Variants in PTPRS observed in about 807,000 individuals in gnomAD.
The protein encoded by PTPRS is receptor-type tyrosine-protein phosphatase S.
PTPRS carries 63 observed loss-of-function variants against 215.3 expected under a neutral mutation model. That is an observed-to-expected ratio of 0.29 (90% CI 0.24 to 0.36). The LOEUF (loss-of-function observed/expected upper bound fraction) is 0.36. Among genes scored for constraint, PTPRS ranks in the 10% least tolerant of loss-of-function variants. The probability of loss-of-function intolerance (pLI) is 1.00; values close to 1 mark genes in which losing one functional copy is unlikely to be tolerated. For synonymous variants in PTPRS, 1,404 were observed against 1,191.4 expected (o/e 1.18, Z -3.68); for missense variants, 2,258 against 2,825.8 (o/e 0.80, Z 4.56).
chr19:5,290,457 C>G (rs764695477), intron 1 of PTPRS, among the ~76,000 whole-genome samples: 12 of 152,216 alleles, frequency 7.9e-5, no homozygotes, highest in Non-Finnish European at 1.8e-4. Context: ...TCATTCCAAC[C>G]AGGCGCCGGG....
chr19:5,272,513 GCTTGAAC>G (rs2146557732), intron 4 of PTPRS, among the ~76,000 whole-genome samples: 1 of 146,706 alleles, frequency 6.8e-6, no homozygotes, highest in East Asian at 2.0e-4. Context: ...CAGGAGAATC[GCTTGAAC>G]CTGGGAGGTG....
rs149022837 is a variant in PTPRS, at chr19:5,244,376, G to A, written c.1095C>T (p.Ile365=). 6.8e-6 allele frequency: 11 copies of A among 1,614,054 alleles called. No homozygotes were observed. The highest frequency in any genetic ancestry group is 4.5e-5 in the East Asian group (2 of 44,894). ...CGTCTTGGCTCTTGGATTTATATTCGATGACGTAATAGGACACAGGATCTG... is the reference window on the plus strand; with the variant it reads ...CGTCTTGGCTCTTGGATTTATATTCAATGACGTAATAGGACACAGGATCTG... ...GNPDPVSYYV[I]EYKSKSQDGP... is the part of the protein sequence containing the mutation. The change falls in exon 11 of 38, where the codon ATC becomes ATT. Residue 365 remains isoleucine, a synonymous_variant. Transcript: ENST00000262963. The surrounding 1 kb of genome is among the most constrained non-coding windows in gnomAD (Gnocchi z 7.2).
intron 2 of PTPRS, among the ~76,000 whole-genome samples, chr19:5,280,798 T>C (rs994485949): frequency 6.6e-6 from 1 of 151,282 alleles, no homozygotes; most frequent in African/African-American, 2.4e-5. Context: ...TTTTTTTTTT[T>C]GTTTGTTTTT....
At chr19:5,270,837 G>A (rs1390678724) in intron 4 of PTPRS, among the ~76,000 whole-genome samples, 1 of 152,114 alleles carries the variant, frequency 6.6e-6, no homozygotes, top group East Asian at 1.9e-4. Flanking sequence ...TAGATTTGGG[G>A]TTTCACCATG....
chr19:5,290,099 G>A (rs918772710), intron 1 of PTPRS, among the ~76,000 whole-genome samples: 1 of 152,268 alleles, frequency 6.6e-6, no homozygotes, highest in Non-Finnish European at 1.5e-5. Context: ...TAGGGAGAAG[G>A]AGAGGGAGTG....
intron 1 of PTPRS, among the ~76,000 whole-genome samples, chr19:5,320,578 T>G (rs980399877): frequency 6.6e-6 from 1 of 152,118 alleles, no homozygotes; most frequent in African/African-American, 2.4e-5. Flanking sequence ...CACGCCACCA[T>G]GCTGGGCTCT....
chr19:5,304,140 G>A lies in PTPRS; in HGVS notation c.-94-17906C>T, dbSNP rs1002984971. On this transcript the variant is annotated intron_variant, in intron 1 of 37. Transcript: ENST00000262963. ...TGAGCACTAAGGACACAAGATGACT[G>A]TGGGAGGCAGACAGGGGGCCCTGGA... Among the ~76,000 whole-genome samples the A allele has an allele frequency of 3.3e-5, 5 of 152,092 alleles. No individual in the cohort carries two copies. The South Asian group carries it at 1.0e-3, about 32-fold the overall frequency.
rs1445047664 is a variant in PTPRS at position 5,237,589 on chromosome 19, A to G, written c.1849+1330T>C. On this transcript the variant is annotated intron_variant, in intron 13 of 37. Coordinates refer to ENST00000262963, the MANE Select transcript of PTPRS (RefSeq NM_002850.4). This position sits in a 1 kb window ranked among gnomAD's most constrained non-coding sequence, Gnocchi z 4.2. ...GGTTTGGGAGAGTTTCTGGGGCCGA[A>G]TTCGGGCCGTGGACTGTCCGTTCAG... Among the ~76,000 whole-genome samples the G allele has an allele frequency of 6.6e-6, 1 of 152,124 alleles. No individual in the cohort carries two copies. The highest frequency in any genetic ancestry group is 1.5e-5 in the Non-Finnish European group (1 of 68,012).
Position 5,237,437 on chromosome 19 carries a change from G to A in PTPRS, c.1849+1482C>T, listed in dbSNP as rs935568963. On this transcript the variant is annotated intron_variant, in intron 13 of 37. Transcript: ENST00000262963. This position sits in a 1 kb window ranked among gnomAD's most constrained non-coding sequence, Gnocchi z 4.2. Reference sequence around the variant, plus strand: ...AGGTTCGCGTGGCTGGGCCGAAGCCGCTTTCTAGGTGACCGTGTAGGTCAC... The same window carrying A: ...AGGTTCGCGTGGCTGGGCCGAAGCCACTTTCTAGGTGACCGTGTAGGTCAC... Among the ~76,000 whole-genome samples, 4 of 152,344 alleles carry A rather than the reference G, an allele frequency of 2.6e-5. No homozygotes were observed. Among genetic ancestry groups the A allele is most frequent in the East Asian group, 1.9e-4 (1 of 5,186 alleles).
intron 28 of PTPRS, 70 bp downstream of exon 28, chr19:5,215,219 G>A: frequency 2.5e-6 from 4 of 1,585,270 alleles, no homozygotes; most frequent in Non-Finnish European, 2.6e-6. Flanking sequence ...TGGCCCAAGG[G>A]GAGACATGGG....
At chr19:5,206,941 G>T in intron 37 of PTPRS, 99 bp from the exon 38 acceptor site, 1 of 1,087,536 alleles carries the variant, frequency 9.2e-7, no homozygotes, top group Non-Finnish European at 1.4e-6. Context: ...TCAGCCTTGT[G>T]CGTGTCTCTT....
intron 1 of PTPRS, chr19:5,292,700 GGGATTCCTGCCAT>G (rs1188870566): frequency 1.3e-5 from 2 of 152,378 alleles, no homozygotes; most frequent in African/African-American, 4.8e-5. Context: ...GCTAAGAGCA[GGGATTCCTGCCAT>G]GCACCCCCCA....
rs994843397 is a variant in PTPRS at position 5,295,935 on chromosome 19, T to G, written c.-94-9701A>C. Among the ~76,000 whole-genome samples, 1 of 152,104 alleles carries G rather than the reference T, an allele frequency of 6.6e-6. No homozygotes were observed. The highest frequency in any genetic ancestry group is 1.5e-5 in the Non-Finnish European group (1 of 68,012). Reference sequence around the variant, plus strand: ...ACGTCTGGCTAATTTTTGGATTTTTTTGTAGACATGGGATCTCCCCATGTT... The same window carrying G: ...ACGTCTGGCTAATTTTTGGATTTTTGTGTAGACATGGGATCTCCCCATGTT... On this transcript the variant is annotated intron_variant, in intron 1 of 37. Coordinates refer to ENST00000262963, the MANE Select transcript of PTPRS (RefSeq NM_002850.4). This position sits in a 1 kb window ranked among gnomAD's most constrained non-coding sequence, Gnocchi z 4.6.
chr19:5,274,293 C>T lies in PTPRS; in HGVS notation c.143G>A (p.Gly48Asp). 2 of 1,613,572 alleles carry T rather than the reference C, an allele frequency of 1.2e-6. No homozygotes were observed. Among genetic ancestry groups the T allele is most frequent in the Admixed American group, 3.3e-5 (2 of 59,990 alleles). ...GGCCTGACACACGAAAGAGGCCACACCCCCCGACACGCCGATCTGGTCCTT... is the reference window on the plus strand; with the variant it reads ...GGCCTGACACACGAAAGAGGCCACATCCCCCGACACGCCGATCTGGTCCTT... ...EPKDQIGVSG[G>D]VASFVCQATG... is the part of the protein sequence containing the mutation. Residue 48 changes from glycine (G) to aspartate (D), a missense_variant, in exon 3 of 38, where the codon GGT (glycine) becomes GAT (aspartate). Physicochemically the swap from Gly to Asp is moderately conservative, Grantham distance 94. Around this residue, in one of 6 missense-constraint regions of PTPRS, gnomAD observed 508 missense variants for 799.4 expected, o/e 0.64. Transcript: ENST00000262963.
chr19:5,247,453 A>G (rs2044602847), intron 9 of PTPRS, among the ~76,000 whole-genome samples: 1 of 152,094 alleles, frequency 6.6e-6, no homozygotes, highest in South Asian at 2.1e-4. Flanking sequence ...GGGGCTGTTT[A>G]ACTGCTGTGG....
At chr19:5,303,668 T>G (rs1225140354) in intron 1 of PTPRS, among the ~76,000 whole-genome samples, 1 of 150,820 alleles carries the variant, frequency 6.6e-6, no homozygotes, top group African/African-American at 2.4e-5. Context: ...GTAATAGGAG[T>G]GAGGACCACG....
intron 16 of PTPRS, among the ~76,000 whole-genome samples, chr19:5,226,189 C>A (rs1392488711): frequency 6.6e-6 from 1 of 152,226 alleles, no homozygotes; most frequent in Non-Finnish European, 1.5e-5. Context: ...GCTCTCCCCA[C>A]AGCCCTCCAT....
chr19:5,335,154 T>G (rs2050453437), intron 1 of PTPRS, among the ~76,000 whole-genome samples: 1 of 152,114 alleles, frequency 6.6e-6, no homozygotes. Context: ...CATCCGAGGG[T>G]CCCAGGCTTC....
chr19:5,266,272 CTAAAAA>C (rs2046391596), intron 4 of PTPRS, among the ~76,000 whole-genome samples: 1 of 151,514 alleles, frequency 6.6e-6, no homozygotes, highest in Non-Finnish European at 1.5e-5. Context: ...AAAAATCAAA[CTAAAAA>C]TAAAAATAAA....
Sources: allele counts gnomAD v4.1 joint callset (sites outside exome capture counted in the v4.1 genomes callset), GRCh38; gene constraint gnomAD v4.1.1; regional missense constraint gnomAD v4.1.1; non-coding constraint Gnocchi (gnomAD v3.1); transcripts MANE v1.5; gene names NCBI Gene and HGNC (gene_info 2026-07-23, HGNC 2026-07-21).